The following LSM14B variants were observed in gnomAD, a reference collection of about 807,000 sequenced individuals.
The protein encoded by LSM14B is protein LSM14 homolog B.
Under a neutral mutation model 42.1 loss-of-function variants are expected in LSM14B, and 8 were observed. The observed-to-expected ratio is 0.19, with a 90% CI of 0.11 to 0.34. LSM14B has a LOEUF of 0.34. Among genes scored for constraint, LSM14B ranks in the 10% least tolerant of loss-of-function variants. LSM14B has a pLI of 1.00. For synonymous variants in LSM14B, 219 were observed against 209.7 expected (o/e 1.04, Z -0.38); for missense variants, 396 against 513.1 (o/e 0.77, Z 2.21).
intron 1 of LSM14B, among the ~76,000 whole-genome samples, 179 bp from the exon 2 acceptor site, chr20:62,124,438 T>C (rs1187921656): frequency 6.6e-6 from 1 of 152,252 alleles, no homozygotes; most frequent in African/African-American, 2.4e-5. Flanking sequence ...ATTGGTGCAT[T>C]ATCAGCACTG....
At chr20:62,126,474 T>C (rs2145606331) in intron 3 of LSM14B, 35 bp downstream of exon 3, 1 of 1,597,704 alleles carries the variant, frequency 6.3e-7, no homozygotes. Context: ...AAACTACCCT[T>C]GCGTGTAACT....
chr20:62,122,885 C>A lies in LSM14B; in HGVS notation c.127+92C>A. 8.6e-7 allele frequency: 1 copy of A among 1,164,834 alleles called. No homozygotes were observed. Among genetic ancestry groups the A allele is most frequent in the Non-Finnish European group, 1.1e-6 (1 of 919,490 alleles). 72.2% of individuals were successfully genotyped at this position (1,164,834 alleles called of 1,614,324 possible). ...TCCCCGCCCCGGGGCGCCCCGGAGC[C>A]TGGCGCCCAGACCCCGCCCAGAACC... On this transcript the variant is annotated intron_variant, in intron 1 of 8. Transcript: ENST00000279068. This position sits in a 1 kb window ranked among gnomAD's most constrained non-coding sequence, Gnocchi z 4.6.
intron 3 of LSM14B, chr20:62,127,869 A>T: frequency 1.4e-6 from 1 of 716,986 alleles, no homozygotes; most frequent in South Asian, 1.5e-5. Context: ...ATGAACTCTC[A>T]GTGTTAAAGA....
At chr20:62,127,361 G>A (rs981606432) in intron 3 of LSM14B, among the ~76,000 whole-genome samples, 2 of 152,192 alleles carry the variant, frequency 1.3e-5, no homozygotes, top group African/African-American at 4.8e-5. Context: ...CCTAAACGAG[G>A]TCTGTAGGCC....
intron 2 of LSM14B, among the ~76,000 whole-genome samples, chr20:62,124,981 A>G (rs1225616161): frequency 6.6e-6 from 1 of 152,084 alleles, no homozygotes; most frequent in African/African-American, 2.4e-5. Flanking sequence ...CCCAGGTTCA[A>G]GCAATTCTCC....
chr20:62,123,037 C>T (rs1454490646), intron 1 of LSM14B: 1 of 219,850 alleles, frequency 4.5e-6, no homozygotes, highest in Non-Finnish European at 8.8e-6. Flanking sequence ...CCCTGGGCTC[C>T]CAGGGCGGCG....
intron 3 of LSM14B, among the ~76,000 whole-genome samples, chr20:62,128,592 G>C (rs1291571837): frequency 6.6e-6 from 1 of 152,188 alleles, no homozygotes; most frequent in Non-Finnish European, 1.5e-5. Context: ...TGAACTAGTT[G>C]GTTGTGTAAA....
chr20:62,124,875 G>T, intron 2 of LSM14B, 95 bp downstream of exon 2: 2 of 1,234,796 alleles, frequency 1.6e-6, no homozygotes, highest in South Asian at 1.7e-5. Context: ...TCAATGTGAG[G>T]AATAACCTTT....
intron 6 of LSM14B, 42 bp from the exon 7 acceptor site, chr20:62,131,314 C>T: frequency 6.4e-7 from 1 of 1,554,418 alleles, no homozygotes; most frequent in Non-Finnish European, 8.7e-7. Flanking sequence ...GCTGTGCGCT[C>T]TGCCCCTCCT....
chr20:62,129,172 T>C (rs777251281), intron 3 of LSM14B: 4 of 361,048 alleles, frequency 1.1e-5, no homozygotes, highest in Admixed American at 3.8e-5. Flanking sequence ...TGTGTCTTCA[T>C]GATGAGCCTT....
At chr20:62,127,901 G>T (rs1182787026) in intron 3 of LSM14B, 3 of 696,172 alleles carry the variant, frequency 4.3e-6, no homozygotes, top group African/African-American at 3.5e-5. Flanking sequence ...AGAATCAGCG[G>T]AGTAGTTTGT....
rs1180341298 is a variant in LSM14B, at chr20:62,122,766, G to A, written c.100G>A (p.Asp34Asn). 2.0e-6 allele frequency: 3 copies of A among 1,512,508 alleles called. No individual in the cohort carries two copies. The highest frequency in any genetic ancestry group is 1.2e-5 in the South Asian group (1 of 83,726). The allele number at this position is 1,512,508 out of a possible 1,614,324, so 93.7% of individuals were successfully genotyped here. A position where few individuals can be genotyped will look rare whatever the true frequency, so the allele number is the denominator to read the frequency against. ...GGGCATTCTCTACACCATCGACACC[G>A]ACAACTCCACCGTGGCGCTCGCCAA... ...YEGILYTIDT[D>N]NSTVALAKVR... is the part of the protein sequence containing the mutation. The change falls in exon 1 of 9, where the codon GAC (aspartate) becomes AAC (asparagine). Residue 34 changes from aspartate (D) to asparagine (N), a missense_variant. Transcript: ENST00000279068. This position sits in a 1 kb window ranked among gnomAD's most constrained non-coding sequence, Gnocchi z 4.6.
In LSM14B at chr20:62,131,362, A is replaced by C. The variant is rs556214103; in HGVS notation, c.842A>C (p.Lys281Thr). The C allele has an allele frequency of 6.3e-7, 1 of 1,595,510 alleles. No individual in the cohort carries two copies. The highest frequency in any genetic ancestry group is 1.3e-5 in the African/African-American group (1 of 74,382). ...GTTCTGCTTCTTTTTGTAGATGACA[A>C]GGCTGAGAAGGGGGAAGAGAAGGAC... ...FKKKLNFKDDKAEKGEEKDLA... is the reference protein window; with the variant it reads ...FKKKLNFKDDTAEKGEEKDLA... Residue 281 changes from lysine to threonine, a missense_variant, in exon 7 of 9, where the codon AAG becomes ACG. Lys to Thr is a moderately conservative substitution (Grantham distance 78). Around this residue, in one of 3 missense-constraint regions of LSM14B, gnomAD observed 118 missense variants for 156.4 expected, o/e 0.75. Coordinates refer to ENST00000279068, the MANE Select transcript of LSM14B (RefSeq NM_144703.3).
chr20:62,133,201 C>T (rs953941469), intron 7 of LSM14B, 89 bp from the exon 8 acceptor site: 8 of 1,514,156 alleles, frequency 5.3e-6, no homozygotes, highest in Middle Eastern at 3.5e-4. Context: ...GAGTCTGTCC[C>T]TCCTTCCCTG....
chr20:62,133,579 G>A, intron 8 of LSM14B, 104 bp downstream of exon 8: 1 of 1,343,758 alleles, frequency 7.4e-7, no homozygotes, highest in Non-Finnish European at 9.9e-7. Flanking sequence ...CCAGGAAGAA[G>A]AGAGGCCCAG....
chr20:62,123,006 T>G, intron 1 of LSM14B: 4 of 262,450 alleles, frequency 1.5e-5, no homozygotes, highest in Non-Finnish European at 2.1e-5. Context: ...TCCCCCAGCG[T>G]AGCCGGCCGC....
rs2056746750 is a variant in LSM14B at position 62,130,857 on chromosome 20, A to G, written c.835+166A>G. Among the ~76,000 whole-genome samples the G allele has an allele frequency of 6.6e-6, 1 of 152,164 alleles. No homozygotes were observed. Among genetic ancestry groups the G allele is most frequent in the Non-Finnish European group, 1.5e-5 (1 of 68,020 alleles). On this transcript the variant is annotated intron_variant, in intron 6 of 8. Transcript: ENST00000279068. The surrounding 1 kb of genome is among the most constrained non-coding windows in gnomAD (Gnocchi z 4.1). ...TCAGGAGTTCAACACCAGCCTGGCC[A>G]ACACAATGAAACCCCATCTGTACTA...
At chr20:62,128,029 C>T in intron 3 of LSM14B, 1 of 588,448 alleles carries the variant, frequency 1.7e-6, no homozygotes, top group Admixed American at 2.9e-5. Flanking sequence ...TAAATGTGTT[C>T]CAGAGTGCTG....
intron 8 of LSM14B, among the ~76,000 whole-genome samples, chr20:62,133,927 C>A (rs1476617728): frequency 6.6e-6 from 1 of 152,236 alleles, no homozygotes; most frequent in Admixed American, 6.5e-5. Context: ...CCAACCCCAC[C>A]CAGCGCCTCG....
Sources: allele counts gnomAD v4.1 joint callset (sites outside exome capture counted in the v4.1 genomes callset), GRCh38; gene constraint gnomAD v4.1.1; regional missense constraint gnomAD v4.1.1; non-coding constraint Gnocchi (gnomAD v3.1); transcripts MANE v1.5; gene names NCBI Gene and HGNC (gene_info 2026-07-23, HGNC 2026-07-21).